The following DNAH11 variants were observed in gnomAD, a reference collection of about 807,000 sequenced individuals.
DNAH11 encodes the protein dynein axonemal heavy chain 11.
Under a neutral mutation model 526.0 loss-of-function variants are expected in DNAH11, and 442 were observed. The ratio of observed to expected loss-of-function variants is 0.84; its 90% confidence interval spans 0.78 to 0.91. The LOEUF is 0.91. Among genes scored for constraint, DNAH11 ranks in the 40% least tolerant of loss-of-function variants. The pLI, the probability that DNAH11 is intolerant of heterozygous loss-of-function variation, is 0.00. For synonymous variants in DNAH11, 2,461 were observed against 1,935.9 expected, an observed-to-expected ratio of 1.27 and a Z score of -7.12; for missense variants, 6,989 against 5,448.7, an observed-to-expected ratio of 1.28 and a Z score of -8.90.
At chr7:21,705,419 A>T in intron 38 of DNAH11, 41 bp from the exon 39 acceptor site, 2 of 1,607,452 alleles carry the variant, frequency 1.2e-6, no homozygotes. Context: ...TTTGTCACCA[A>T]CTCCTTAAAG....
chr7:21,570,445 A>G, intron 7 of DNAH11, 146 bp downstream of exon 7: 2 of 616,772 alleles, frequency 3.2e-6, no homozygotes, highest in East Asian at 2.9e-5. Context: ...TCAGCAGGCC[A>G]ATGCTATGAT....
At chr7:21,743,528 G>T (rs931377632) in intron 49 of DNAH11, among the ~76,000 whole-genome samples, 2 of 152,148 alleles carry the variant, frequency 1.3e-5, no homozygotes, top group Admixed American at 6.5e-5. Flanking sequence ...GATGAAATAC[G>T]AAAACTCCAT....
At chr7:21,560,364 TCA>T (rs1231745617) in intron 4 of DNAH11, among the ~76,000 whole-genome samples, 2 of 152,164 alleles carry the variant, frequency 1.3e-5, no homozygotes, top group African/African-American at 2.4e-5. Context: ...GAGAATTGAC[TCA>T]CAGGATCACA....
chr7:21,817,550 A>T (rs935211592), intron 64 of DNAH11, among the ~76,000 whole-genome samples: 3 of 144,018 alleles, frequency 2.1e-5, no homozygotes, highest in Non-Finnish European at 1.5e-5. Context: ...AAAAGTTGCC[A>T]GGTATGGTAG....
At chr7:21,784,789 G>T (rs1431607797) in intron 58 of DNAH11, among the ~76,000 whole-genome samples, 1 of 152,158 alleles carries the variant, frequency 6.6e-6, no homozygotes, top group Non-Finnish European at 1.5e-5. Flanking sequence ...ATTTCCAACA[G>T]TGTGGGATTT....
chr7:21,578,445 C>T (rs536024300), intron 8 of DNAH11, among the ~76,000 whole-genome samples: 32 of 152,348 alleles, frequency 2.1e-4, no homozygotes, highest in Admixed American at 2.1e-3. Context: ...CAGCTCCACC[C>T]CTGTGGCTCT....
At chr7:21,633,965 A>G (rs941954017) in intron 25 of DNAH11, among the ~76,000 whole-genome samples, 1 of 152,222 alleles carries the variant, frequency 6.6e-6, no homozygotes, top group African/African-American at 2.4e-5. Flanking sequence ...GGGGGTAGTG[A>G]AAGATAGGCC....
Position 21,883,066 on chromosome 7 carries a change from CT to C in DNAH11, c.12388-1224del, listed in dbSNP as rs1205528718. On this transcript the variant is annotated intron_variant, in intron 75 of 81. Coordinates refer to ENST00000409508, the MANE Select transcript of DNAH11 (RefSeq NM_001277115.2). ...AGAGCATGTTGCGGTCTAGGCACCC[CT>C]CTCTTATTTTTCATTCACCTCAACC... is the stretch of plus-strand genomic sequence containing the variant. 3.9e-5 allele frequency among the ~76,000 whole-genome samples: 6 copies of C among 152,296 alleles called. No individual in the cohort carries two copies. The East Asian group carries it at 1.2e-3, about 29-fold the overall frequency.
intron 8 of DNAH11, 42 bp from the exon 9 acceptor site, chr7:21,581,863 G>T: frequency 3.9e-6 from 5 of 1,294,196 alleles, no homozygotes; most frequent in East Asian, 2.3e-5. Flanking sequence ...TTCGCTGTTG[G>T]ATTATTTCCA....
At chr7:21,870,376 C>T (rs1196919479) in intron 73 of DNAH11, among the ~76,000 whole-genome samples, 1 of 152,180 alleles carries the variant, frequency 6.6e-6, no homozygotes, top group African/African-American at 2.4e-5. Flanking sequence ...ATGTAACCTT[C>T]TGGGATGATG....
chr7:21,668,119 C>T (rs1408987879), intron 30 of DNAH11, among the ~76,000 whole-genome samples: 1 of 152,088 alleles, frequency 6.6e-6, no homozygotes, highest in African/African-American at 2.4e-5. Context: ...ATTCTTTCAG[C>T]AAATCTCCTA....
At chr7:21,571,387 C>A (rs569630693) in intron 7 of DNAH11, among the ~76,000 whole-genome samples, 261 of 152,212 alleles carry the variant, frequency 1.7e-3, no homozygotes, top group African/African-American at 6.0e-3. Context: ...TCAAGTGATC[C>A]TCCCGCCTCA....
At chr7:21,698,347 GT>G in intron 36 of DNAH11, 134 bp downstream of exon 36, 1 of 1,274,796 alleles carries the variant, frequency 7.8e-7, no homozygotes, top group East Asian at 2.5e-5. Flanking sequence ...AAATTCAATA[GT>G]TTGGGGGAAC....
chr7:21,834,745 C>T (rs931159923), intron 65 of DNAH11, among the ~76,000 whole-genome samples: 3 of 151,896 alleles, frequency 2.0e-5, no homozygotes, highest in Non-Finnish European at 4.4e-5. Flanking sequence ...ACCTGGAGGC[C>T]GAGGCAGGGG....
intron 45 of DNAH11, among the ~76,000 whole-genome samples, chr7:21,734,176 G>A (rs948205763): frequency 3.9e-5 from 6 of 152,166 alleles, no homozygotes; most frequent in South Asian, 4.1e-4. Flanking sequence ...GACCTTGACC[G>A]AGTCAGTTAT....
At position 21,720,762 on chromosome 7, in the gene DNAH11, A is replaced by C; in HGVS notation, c.7172A>C (p.Glu2391Ala). 1.9e-6 allele frequency: 3 copies of C among 1,595,298 alleles called. No individual in the cohort carries two copies. Among genetic ancestry groups the C allele is most frequent in the Non-Finnish European group, 2.6e-6 (3 of 1,169,962 alleles). ...CTTTTGGAGTGCTTGCTGACTCCTG[A>C]AAATGTACCTTCTGACAGCCCAAAA... ...CVLLECLLTP[E>A]NVPSDSPKEV... The change falls in exon 44 of 82, where the codon GAA (glutamate) becomes GCA (alanine). Residue 2391 changes from glutamate (E) to alanine (A), a missense_variant. Transcript: ENST00000409508.
intron 30 of DNAH11, among the ~76,000 whole-genome samples, chr7:21,674,601 C>A (rs1299847998): frequency 2.6e-5 from 4 of 152,156 alleles, no homozygotes; most frequent in African/African-American, 9.7e-5. Flanking sequence ...TCAAGTGATC[C>A]ATCTGCCTCG....
At chr7:21,699,422 T>C (rs1473469315) in intron 36 of DNAH11, among the ~76,000 whole-genome samples, 4 of 152,210 alleles carry the variant, frequency 2.6e-5, no homozygotes, top group Non-Finnish European at 5.9e-5. Context: ...ACTTTTGGTC[T>C]TTTGATAACA....
At chr7:21,843,490 T>G (rs1432781572) in intron 66 of DNAH11, among the ~76,000 whole-genome samples, 4 of 150,670 alleles carry the variant, frequency 2.7e-5, no homozygotes, top group South Asian at 2.1e-4. Context: ...TTGTTTTTTT[T>G]TTTTTTTTGA....
Sources: gnomAD v4.1 joint callset for allele counts (sites outside exome capture counted in the v4.1 genomes callset) on GRCh38, gnomAD v4.1.1 for gene constraint, MANE v1.5 for transcripts, NCBI Gene and HGNC (gene_info 2026-07-23, HGNC 2026-07-21) for gene names.